The following HERC2 variants were observed in gnomAD, a reference collection of about 807,000 sequenced individuals.
HERC2 encodes E3 ubiquitin-protein ligase HERC2.
In HERC2, 102 loss-of-function variants were observed where a neutral mutation model predicts 537.7. The observed-to-expected ratio is 0.19, with a 90% confidence interval of 0.16 to 0.22. HERC2 has a LOEUF of 0.22. HERC2 is among the 10% of genes least tolerant of loss of function. The pLI is 1.00. For synonymous variants in HERC2, 2,224 were observed against 2,466.2 expected, an observed-to-expected ratio of 0.90 and a Z score of 2.91; for missense variants, 4,236 against 6,198.2, an observed-to-expected ratio of 0.68 and a Z score of 10.63.
intron 4 of HERC2, among the ~76,000 whole-genome samples, chr15:28,291,316 C>A (rs960929029): frequency 1.3e-5 from 2 of 152,146 alleles, no homozygotes; most frequent in South Asian, 2.1e-4. Flanking sequence ...CCGCAAACTG[C>A]TGGCCTCAAG....
At chr15:28,143,221 AC>A (rs1891401375) in intron 74 of HERC2, among the ~76,000 whole-genome samples, 1 of 152,150 alleles carries the variant, frequency 6.6e-6, no homozygotes, top group Non-Finnish European at 1.5e-5. Flanking sequence ...TCTCTGGCCC[AC>A]AAACGCTGCC....
At chr15:28,314,527 G>T (rs1393905960) in intron 2 of HERC2, among the ~76,000 whole-genome samples, 1 of 151,380 alleles carries the variant, frequency 6.6e-6, no homozygotes, top group Non-Finnish European at 1.5e-5. Context: ...TTTAAAAAGT[G>T]ATTTTATATT....
At chr15:28,241,516 A>T (rs2140744491) in intron 23 of HERC2, among the ~76,000 whole-genome samples, 1 of 152,320 alleles carries the variant, frequency 6.6e-6, no homozygotes, top group South Asian at 2.1e-4. Flanking sequence ...ACCTCTGGCT[A>T]TATACCCAAA....
In HERC2 at chr15:28,238,646, A is replaced by T. The variant is rs779943288; in HGVS notation, c.3704T>A (p.Ile1235Lys). ...TAACGACTGTGTCTGGAAGTCCTTT[A>T]TATCATACACCTTCCCGTCAATCAC... ...WTVIDGKVYD[I>K]KDFQTQSLTG... The change falls in exon 24 of 93, where the codon ATA becomes AAA. Residue 1235 changes from isoleucine (I) to lysine (K), a missense_variant. This residue lies in a region of HERC2 where 754 missense variants were observed against 1,085.0 expected (regional missense o/e 0.69). Transcript: ENST00000261609. 1.9e-6 allele frequency: 3 copies of T among 1,611,428 alleles called. No individual in the cohort carries two copies. The highest frequency in any genetic ancestry group is 2.2e-5 in the South Asian group (2 of 90,986).
At position 28,115,468 on chromosome 15, in the gene HERC2, C is replaced by G; in HGVS notation, c.13683G>C (p.Gln4561His). 1 of 1,614,076 alleles carries G rather than the reference C, an allele frequency of 6.2e-7. No individual in the cohort carries two copies. The highest frequency in any genetic ancestry group is 8.5e-7 in the Non-Finnish European group (1 of 1,180,008). Residue 4561 changes from glutamine (Q) to histidine (H), a missense_variant, in exon 89 of 93, where the codon CAG becomes CAC. Gln to His is a conservative substitution (Grantham distance 24). Around this residue, in one of 27 missense-constraint regions of HERC2, gnomAD observed 313 missense variants for 462.6 expected, o/e 0.68. Coordinates refer to ENST00000261609, the MANE Select transcript of HERC2 (RefSeq NM_004667.6). ...CGATGGTGAGGCTCATCCCAGCCAG[C>G]TGCTTCCAGACAGGCTCGGCAAGGT... is the stretch of plus-strand genomic sequence containing the variant. ...SLNLAEPVWK[Q>H]LAGMSLTIAD...
At chr15:28,115,743 T>TG (rs1405980346) in intron 88 of HERC2, among the ~76,000 whole-genome samples, 2 of 10,608 alleles carry the variant, frequency 1.9e-4, no homozygotes, top group African/African-American at 2.0e-4. Flanking sequence ...TAAAAGCCTC[T>TG]AACTCTTCAC....
At chr15:28,314,162 C>T (rs2141293701) in intron 2 of HERC2, among the ~76,000 whole-genome samples, 1 of 152,144 alleles carries the variant, frequency 6.6e-6, no homozygotes, top group African/African-American at 2.4e-5. Context: ...TATACAATAT[C>T]TGAAAGTCAA....
At chr15:28,316,635 C>A (rs2077094005) in intron 2 of HERC2, among the ~76,000 whole-genome samples, 1 of 152,160 alleles carries the variant, frequency 6.6e-6, no homozygotes, top group Admixed American at 6.5e-5. Flanking sequence ...CCCTTAGAAT[C>A]CAGTCCTAAA....
chr15:28,219,354 G>A (rs1170774550), intron 37 of HERC2, among the ~76,000 whole-genome samples: 1 of 152,208 alleles, frequency 6.6e-6, no homozygotes, highest in Non-Finnish European at 1.5e-5. Flanking sequence ...ATGCCTCTGT[G>A]GGGAAAGGCC....
chr15:28,132,172 G>A lies in HERC2; in HGVS notation c.12498C>T (p.Val4166=). 1 of 1,613,992 alleles carries A rather than the reference G, an allele frequency of 6.2e-7. No homozygotes were observed. Among genetic ancestry groups the A allele is most frequent in the Non-Finnish European group, 8.5e-7 (1 of 1,179,888 alleles). The change falls in exon 81 of 93, where the codon GTC becomes GTT. Residue 4166 remains valine, a synonymous_variant. Transcript: ENST00000261609. ...QTLCLTDDDT[V]WSWGDGDYGK... ...CGTAGTCCCCGTCCCCCCAGGACCA[G>A]ACAGTGTCGTCATCTGTGAGGCAGA...
At chr15:28,116,489 T>C (rs1595970984) in intron 88 of HERC2, among the ~76,000 whole-genome samples, 176 bp downstream of exon 88, 2 of 152,136 alleles carry the variant, frequency 1.3e-5, no homozygotes, top group African/African-American at 4.8e-5. Flanking sequence ...AGTGCTAGGG[T>C]TATAGGCGTG....
chr15:28,217,666 T>G (rs1427770034), intron 38 of HERC2, among the ~76,000 whole-genome samples: 1 of 152,220 alleles, frequency 6.6e-6, no homozygotes. Context: ...ATGATCTTAT[T>G]TAATGAGGTC....
At chr15:28,276,686 C>T (rs1244603028) in intron 5 of HERC2, among the ~76,000 whole-genome samples, 1 of 151,534 alleles carries the variant, frequency 6.6e-6, no homozygotes, top group Admixed American at 6.6e-5. Flanking sequence ...AAGCCAAGAT[C>T]GCACCACTGC....
intron 4 of HERC2, among the ~76,000 whole-genome samples, chr15:28,286,573 A>G (rs1396618732): frequency 6.6e-6 from 1 of 152,240 alleles, no homozygotes; most frequent in Non-Finnish European, 1.5e-5. Flanking sequence ...CATGAATGAT[A>G]AAAATTCTCA....
At chr15:28,304,451 T>C (rs2076724049) in intron 2 of HERC2, among the ~76,000 whole-genome samples, 1 of 150,416 alleles carries the variant, frequency 6.6e-6, no homozygotes, top group Non-Finnish European at 1.5e-5. Context: ...CACTGCAATC[T>C]CCACCTCCGG....
intron 56 of HERC2, among the ~76,000 whole-genome samples, chr15:28,184,361 T>C (rs1010100621): frequency 3.3e-5 from 5 of 152,224 alleles, no homozygotes; most frequent in East Asian, 3.9e-4. Flanking sequence ...AACATCCCAG[T>C]TGGGTGGCAG....
intron 4 of HERC2, among the ~76,000 whole-genome samples, chr15:28,287,180 T>G (rs1211982281): frequency 1.3e-5 from 2 of 152,132 alleles, no homozygotes; most frequent in African/African-American, 4.8e-5. Flanking sequence ...TAAATTCCTA[T>G]GGCTCAAATT....
intron 65 of HERC2, 27 bp from the exon 66 acceptor site, chr15:28,169,682 TG>T: frequency 6.3e-7 from 1 of 1,592,528 alleles, no homozygotes; most frequent in Non-Finnish European, 8.6e-7. Flanking sequence ...AAATTTGCAT[TG>T]TTTTTAAAAT....
chr15:28,182,523 G>GA lies in HERC2; in HGVS notation c.8826-12_8826-11insT. ...TTCTTTCTAATGAGGCTAACCAAAC[G>GA]GAAAAAAAAAAGAAAAAGAAAAGAG... On this transcript the variant is annotated splice_polypyrimidine_tract_variant and intron_variant, in intron 56 of 92. Coordinates refer to ENST00000261609, the MANE Select transcript of HERC2 (RefSeq NM_004667.6). The GA allele has an allele frequency of 6.4e-7, 1 of 1,556,294 alleles. No homozygotes were observed. The highest frequency in any genetic ancestry group is 2.3e-5 in the East Asian group (1 of 44,402).
Sources: gnomAD v4.1 joint callset for allele counts (sites outside exome capture counted in the v4.1 genomes callset) on GRCh38, gnomAD v4.1.1 for gene constraint, gnomAD v4.1.1 regional missense constraint, MANE v1.5 for transcripts, NCBI Gene and HGNC (gene_info 2026-07-23, HGNC 2026-07-21) for gene names.